The following ENO4 variants were observed in gnomAD, a reference collection of about 807,000 sequenced individuals.
The protein encoded by ENO4 is enolase 4.
Under a neutral mutation model 63.2 loss-of-function variants are expected in ENO4, and 53 were observed. The ratio of observed to expected loss-of-function variants is 0.84; its 90% CI spans 0.67 to 1.05. ENO4 has a LOEUF of 1.05. Among genes scored for constraint, ENO4 ranks in the 50% least tolerant of loss-of-function variants. ENO4 has a pLI of 0.00. For synonymous variants in ENO4, 266 were observed against 283.8 expected, an observed-to-expected ratio of 0.94 and a Z score of 0.63; for missense variants, 719 against 772.0, an observed-to-expected ratio of 0.93 and a Z score of 0.81.
chr10:116,866,984 A>T (rs1846565827), intron 7 of ENO4, among the ~76,000 whole-genome samples: 1 of 152,114 alleles, frequency 6.6e-6, no homozygotes, highest in Non-Finnish European at 1.5e-5. Flanking sequence ...TCTTAATTTA[A>T]ATCTATTTTG....
chr10:116,876,013 T>C (rs1846823705), intron 10 of ENO4, 52 bp from the exon 11 acceptor site: 1 of 1,328,862 alleles, frequency 7.5e-7, no homozygotes, highest in Non-Finnish European at 1.0e-6. Context: ...TCCTGTTGTT[T>C]TGTAATTATG....
intron 10 of ENO4, among the ~76,000 whole-genome samples, chr10:116,874,564 A>G (rs1367438775): frequency 1.3e-5 from 2 of 152,242 alleles, no homozygotes; most frequent in Non-Finnish European, 2.9e-5. Flanking sequence ...TGGAGCTTCA[A>G]TAGGTTAATC....
Position 116,879,954 on chromosome 10 carries a change from T to G in ENO4, c.1691T>G (p.Ile564Arg). ...ACTAAATACAACCGCCTTCTCACTA[T>G]AGAGGAAGAACTTGTCCAGAATGGA... ...RVTKYNRLLT[I>R]EEELVQNGTL... The change falls in exon 13 of 14, where the codon ATA becomes AGA. Residue 564 changes from isoleucine to arginine, a missense_variant. Transcript: ENST00000341276. The G allele has an allele frequency of 6.4e-7, 1 of 1,550,882 alleles. No individual in the cohort carries two copies. Among genetic ancestry groups the G allele is most frequent in the Non-Finnish European group, 8.7e-7 (1 of 1,147,004 alleles).
In ENO4 at chr10:116,900,753, G is replaced by T. The variant is rs1847702208; in HGVS notation, c.1195-10746G>T. On this transcript the variant is annotated intron_variant, in intron 10 of 10. Coordinates refer to the ENO4 transcript ENST00000369207. ...TGTTAGAACTGTTCAAATGACTCTA[G>T]TCAAAAGAAAGGAAACACATGACTA... The T allele has an allele frequency of 3.0e-6, 3 of 984,286 alleles. No individual in the cohort carries two copies. In the South Asian group the frequency reaches 1.4e-4, roughly 46 times the overall value. 61.0% of individuals were successfully genotyped at this position (984,286 alleles called of 1,614,324 possible). A position where few individuals can be genotyped will look rare whatever the true frequency, so the allele number is the denominator to read the frequency against.
At chr10:116,888,074 C>T (rs534108933) in intron 10 of ENO4, among the ~76,000 whole-genome samples, 4 of 152,324 alleles carry the variant, frequency 2.6e-5, no homozygotes, top group Admixed American at 2.0e-4. Flanking sequence ...ATGTGTGGCT[C>T]GGTCATCATC....
At chr10:116,874,033 C>T (rs774824393) in intron 9 of ENO4, 43 bp from the exon 10 acceptor site, 16 of 1,483,602 alleles carry the variant, frequency 1.1e-5, no homozygotes, top group East Asian at 1.0e-4. Context: ...TTGATGAATT[C>T]ATTATTTATC....
intron 1 of ENO4, among the ~76,000 whole-genome samples, chr10:116,851,815 C>G (rs1386777720): frequency 6.6e-6 from 1 of 152,130 alleles, no homozygotes; most frequent in Admixed American, 6.5e-5. Flanking sequence ...TTTCCTACCT[C>G]CCTCCTCTTT....
chr10:116,900,948 AT>A (rs1847710010), intron 10 of ENO4: 1 of 985,478 alleles, frequency 1.0e-6, no homozygotes, highest in Non-Finnish European at 1.2e-6. Flanking sequence ...TTCCAACTTC[AT>A]TTGTCCAGGT....
chr10:116,882,933 C>A (rs747106385), downstream of ENO4: 1 of 151,268 alleles, frequency 6.6e-6, no homozygotes, highest in Non-Finnish European at 1.5e-5. Flanking sequence ...AAAGGCAGAA[C>A]AAACATGACT....
At chr10:116,890,691 G>C (rs1847314884) in intron 10 of ENO4, among the ~76,000 whole-genome samples, 1 of 152,204 alleles carries the variant, frequency 6.6e-6, no homozygotes, top group Admixed American at 6.5e-5. Flanking sequence ...TGACCTTTTA[G>C]AAAGCAGCTA....
At chr10:116,886,439 G>C (rs1043130751), downstream of ENO4, 3 of 1,611,652 alleles carry the variant, frequency 1.9e-6, no homozygotes, top group Non-Finnish European at 2.5e-6. Context: ...TGTTGAGTTG[G>C]ATCTTTTTCA....
intron 3 of ENO4, among the ~76,000 whole-genome samples, chr10:116,858,438 C>T (rs1012610831): frequency 1.3e-5 from 2 of 150,970 alleles, no homozygotes; most frequent in African/African-American, 4.9e-5. Context: ...AATCTGATTC[C>T]TATGTCTTTG....
intron 4 of ENO4, 36 bp from the exon 5 acceptor site, chr10:116,860,758 G>A (rs1227019595): frequency 4.6e-6 from 6 of 1,297,368 alleles, no homozygotes; most frequent in Non-Finnish European, 6.0e-6. Context: ...AAAGCATTTA[G>A]AAATACAGTC....
downstream of ENO4, among the ~76,000 whole-genome samples, chr10:116,886,863 G>T (rs921603284): frequency 6.6e-6 from 1 of 152,202 alleles, no homozygotes. Flanking sequence ...CTCAGGAAGC[G>T]TAAAGCTCAT....
chr10:116,880,398 T>C (rs530365412), intron 13 of ENO4, among the ~76,000 whole-genome samples: 1 of 152,350 alleles, frequency 6.6e-6, no homozygotes, highest in African/African-American at 2.4e-5. Flanking sequence ...AATTTTAACA[T>C]ACCTTGGAAA....
At chr10:116,867,031 G>C (rs1846566946) in intron 7 of ENO4, among the ~76,000 whole-genome samples, 1 of 152,108 alleles carries the variant, frequency 6.6e-6, no homozygotes, top group South Asian at 2.1e-4. Flanking sequence ...GTTTTCTCAT[G>C]CAGGCCCCAA....
intron 9 of ENO4, among the ~76,000 whole-genome samples, chr10:116,872,792 A>G (rs1362855524): frequency 6.6e-6 from 1 of 152,210 alleles, no homozygotes; most frequent in African/African-American, 2.4e-5. Context: ...GACATGACCA[A>G]ATAGCATTCT....
chr10:116,909,948 C>T (rs1848124789), intron 10 of ENO4, among the ~76,000 whole-genome samples: 2 of 152,038 alleles, frequency 1.3e-5, no homozygotes, highest in African/African-American at 4.8e-5. Flanking sequence ...TTTCGTGTTC[C>T]ATCTTAATTG....
intron 10 of ENO4, chr10:116,907,754 G>C (rs1002621406): frequency 9.5e-6 from 4 of 422,402 alleles, no homozygotes; most frequent in African/African-American, 6.1e-5. Context: ...ATAATCTTTT[G>C]ATCAGAGGAC....
Sources: gnomAD v4.1 joint callset for allele counts (sites outside exome capture counted in the v4.1 genomes callset) on GRCh38, gnomAD v4.1.1 for gene constraint, MANE v1.5 for transcripts, NCBI Gene and HGNC (gene_info 2026-07-23, HGNC 2026-07-21) for gene names.